TANC2: variants seen among roughly 807,000 people sequenced by gnomAD.
TANC2 encodes the protein protein TANC2.
A neutral mutation model predicts 210.5 loss-of-function variants in TANC2; 26 were observed. That is an observed-to-expected ratio of 0.12 (90% CI 0.09 to 0.17). TANC2 has a LOEUF of 0.17. Among genes scored for constraint, TANC2 ranks in the 10% least tolerant of loss-of-function variants. The pLI, the probability that TANC2 is intolerant of heterozygous loss-of-function variation, is 1.00. For synonymous variants in TANC2, 931 were observed against 967.1 expected (o/e 0.96, Z 0.69); for missense variants, 2,129 against 2,608.9 (o/e 0.82, Z 4.01).
At chr17:63,264,765 G>A (rs567461473) in intron 8 of TANC2, among the ~76,000 whole-genome samples, 105 of 152,212 alleles carry the variant, frequency 6.9e-4, no homozygotes, top group African/African-American at 2.5e-3. Flanking sequence ...ACCAGCCTGG[G>A]CAACAAAGAG....
At chr17:63,142,807 A>G (rs1368126444) in intron 4 of TANC2, among the ~76,000 whole-genome samples, 1 of 152,182 alleles carries the variant, frequency 6.6e-6, no homozygotes, top group Admixed American at 6.5e-5. Flanking sequence ...TCTTAAAATC[A>G]CCTTATAATT....
At chr17:63,310,888 C>G (rs931779491) in intron 9 of TANC2, among the ~76,000 whole-genome samples, 1 of 152,058 alleles carries the variant, frequency 6.6e-6, no homozygotes, top group Non-Finnish European at 1.5e-5. Context: ...AAAACACAAC[C>G]CATTGACCCA....
At chr17:63,304,091 C>T (rs1020607929) in intron 9 of TANC2, among the ~76,000 whole-genome samples, 2 of 152,074 alleles carry the variant, frequency 1.3e-5, no homozygotes, top group Non-Finnish European at 2.9e-5. Flanking sequence ...TCTGTCTATT[C>T]GTCCATCTCA....
At chr17:63,128,050 A>G (rs1323611261) in intron 4 of TANC2, among the ~76,000 whole-genome samples, 3 of 152,182 alleles carry the variant, frequency 2.0e-5, no homozygotes, top group Admixed American at 6.5e-5. Context: ...TCTTATTATG[A>G]TAATATAATT....
intron 7 of TANC2, 117 bp from the exon 8 acceptor site, chr17:63,237,697 G>A (rs1161651812): frequency 1.9e-6 from 2 of 1,058,448 alleles, no homozygotes; most frequent in South Asian, 1.7e-5. Context: ...AGTTTTTCTA[G>A]CACCATTTTT....
At chr17:63,228,249 G>T (rs773891043) in intron 7 of TANC2, among the ~76,000 whole-genome samples, 1 of 152,102 alleles carries the variant, frequency 6.6e-6, no homozygotes, top group African/African-American at 2.4e-5. Flanking sequence ...TAGATGTGTG[G>T]TCTTCATTTG....
At chr17:63,016,678 A>G (rs905702756) in intron 2 of TANC2, among the ~76,000 whole-genome samples, 2 of 152,134 alleles carry the variant, frequency 1.3e-5, no homozygotes, top group Non-Finnish European at 2.9e-5. Context: ...TCTTTCTGTC[A>G]TGGCATAAGG....
intron 3 of TANC2, among the ~76,000 whole-genome samples, chr17:63,078,881 T>C (rs1371919408): frequency 6.6e-6 from 1 of 152,224 alleles, no homozygotes; most frequent in Non-Finnish European, 1.5e-5. Context: ...GGGTGGAAGG[T>C]TCTATAAATG....
At chr17:63,327,902 CT>C (rs967529078) in intron 11 of TANC2, among the ~76,000 whole-genome samples, 2 of 152,108 alleles carry the variant, frequency 1.3e-5, no homozygotes, top group African/African-American at 4.8e-5. Flanking sequence ...TTAGGTATAA[CT>C]GCTAATGCTA....
At chr17:62,997,116 C>CT (rs74374010) in intron 1 of TANC2, among the ~76,000 whole-genome samples, 2,849 of 120,934 alleles carry the variant, frequency 0.024, 41 homozygotes, top group African/African-American at 0.042. Context: ...CACCCAGCCT[C>CT]TTTTTTTTTT....
At chr17:63,356,296 A>G (rs2055913520) in intron 14 of TANC2, among the ~76,000 whole-genome samples, 2 of 152,190 alleles carry the variant, frequency 1.3e-5, no homozygotes, top group Admixed American at 6.5e-5. Context: ...GTATTCCTTT[A>G]ATAAAGTTGG....
chr17:63,383,343 A>G (rs1567971421), intron 15 of TANC2, among the ~76,000 whole-genome samples: 1 of 152,148 alleles, frequency 6.6e-6, no homozygotes, highest in Admixed American at 6.5e-5. Context: ...AAATTCCTTT[A>G]TCCGCCACCT....
At chr17:63,380,660 T>G (rs996364590) in intron 15 of TANC2, among the ~76,000 whole-genome samples, 1 of 152,236 alleles carries the variant, frequency 6.6e-6, no homozygotes, top group Non-Finnish European at 1.5e-5. Context: ...ATGGAGAATA[T>G]GGGTATCTTA....
chr17:63,244,652 C>T (rs1252171315), intron 8 of TANC2, among the ~76,000 whole-genome samples: 5 of 152,224 alleles, frequency 3.3e-5, no homozygotes, highest in Non-Finnish European at 7.3e-5. Flanking sequence ...CAGGCTTCAA[C>T]ACTGTCTCAT....
intron 14 of TANC2, among the ~76,000 whole-genome samples, chr17:63,370,819 C>T (rs2047245286): frequency 6.6e-6 from 1 of 152,158 alleles, no homozygotes; most frequent in Admixed American, 6.5e-5. Context: ...GAAGATTCTT[C>T]TGGGCCAGGT....
chr17:63,234,081 T>TC (rs2042553371), intron 7 of TANC2, among the ~76,000 whole-genome samples: 1 of 152,236 alleles, frequency 6.6e-6, no homozygotes, highest in African/African-American at 2.4e-5. Context: ...TGACCATTAT[T>TC]GAAGATGCAG....
At chr17:63,399,804 G>A (rs774507250) in intron 19 of TANC2, among the ~76,000 whole-genome samples, 1 of 152,206 alleles carries the variant, frequency 6.6e-6, no homozygotes, top group Non-Finnish European at 1.5e-5. Flanking sequence ...AAGACCTATT[G>A]TGGCATTTCT....
intron 1 of TANC2, among the ~76,000 whole-genome samples, chr17:63,003,430 G>A (rs939854633): frequency 6.6e-6 from 1 of 152,170 alleles, no homozygotes; most frequent in African/African-American, 2.4e-5. Context: ...GCTATATGCA[G>A]TAACTGATCT....
chr17:63,105,758 ATAGTAT>A (rs2037799983), intron 4 of TANC2, among the ~76,000 whole-genome samples: 1 of 151,698 alleles, frequency 6.6e-6, no homozygotes, highest in African/African-American at 2.4e-5. Context: ...GGGCCTGTAG[ATAGTAT>A]TAGTCTCTAT....
Sources: gnomAD v4.1 joint callset for allele counts (sites outside exome capture counted in the v4.1 genomes callset) on GRCh38, gnomAD v4.1.1 for gene constraint, MANE v1.5 for transcripts, NCBI Gene and HGNC (gene_info 2026-07-23, HGNC 2026-07-21) for gene names.